Variants in TNS4 observed in about 807,000 individuals in gnomAD.
The protein encoded by TNS4 is tensin 4, also known as tensin-4.
A neutral mutation model predicts 70.4 loss-of-function variants in TNS4; 46 were observed. The ratio of observed to expected loss-of-function variants is 0.65; its 90% confidence interval spans 0.52 to 0.84. TNS4 has a LOEUF of 0.84. Among genes scored for constraint, TNS4 ranks in the 40% least tolerant of loss-of-function variants. TNS4 has a pLI of 0.00. For missense variants in TNS4, 863 were observed against 907.0 expected, an observed-to-expected ratio of 0.95 and a Z score of 0.62; for synonymous variants, 390 against 366.6, an observed-to-expected ratio of 1.06 and a Z score of -0.73.
At chr17:40,482,064 C>T (rs2035927817) in intron 8 of TNS4, 65 bp downstream of exon 8, 2 of 1,569,860 alleles carry the variant, frequency 1.3e-6, no homozygotes, top group Admixed American at 3.5e-5. Context: ...AGGAGTGAAC[C>T]CCATTTCTAA....
At position 40,486,936 on chromosome 17, in the gene TNS4, G is replaced by A. The variant is rs2035996510; in HGVS notation, c.1288+100C>T. 2.1e-6 allele frequency: 3 copies of A among 1,449,346 alleles called. No individual in the cohort carries two copies. The Admixed American group carries it at 5.3e-5, about 26-fold the overall frequency. The allele number at this position is 1,449,346 out of a possible 1,614,324, so 89.8% of individuals were successfully genotyped here. A position where few individuals can be genotyped will look rare whatever the true frequency, so the allele number is the denominator to read the frequency against. ...CTGGCATAGTGCCAGACACACAATA[G>A]TTGCTCAATAAATGTGTTGACTGGC... On this transcript the variant is annotated intron_variant, in intron 4 of 12. Transcript: ENST00000254051.
intron 2 of TNS4, among the ~76,000 whole-genome samples, chr17:40,489,381 G>A (rs2036036953): frequency 1.3e-5 from 2 of 152,128 alleles, no homozygotes; most frequent in Non-Finnish European, 1.5e-5. Flanking sequence ...CACTGTTCCC[G>A]GCACAGACCA....
At chr17:40,482,294 CGG>C in intron 7 of TNS4, 28 bp downstream of exon 7, 1 of 1,613,538 alleles carries the variant, frequency 6.2e-7, no homozygotes, top group Non-Finnish European at 8.5e-7. Flanking sequence ...CCCCCCATCC[CGG>C]GGGAGCCTGG....
intron 2 of TNS4, among the ~76,000 whole-genome samples, chr17:40,492,511 G>A (rs1310074018): frequency 3.3e-5 from 5 of 151,426 alleles, no homozygotes; most frequent in South Asian, 4.2e-4. Context: ...GGGACTACAA[G>A]TTCATGCCAT....
At chr17:40,477,836 C>T in intron 12 of TNS4, 107 bp from the exon 13 acceptor site, 1 of 1,099,260 alleles carries the variant, frequency 9.1e-7, no homozygotes, top group South Asian at 1.4e-5. Context: ...TCCTCCCTGC[C>T]CCTCCCTTAG....
intron 4 of TNS4, among the ~76,000 whole-genome samples, chr17:40,485,451 G>A (rs1017735723): frequency 2.0e-5 from 3 of 152,188 alleles, no homozygotes; most frequent in East Asian, 1.9e-4. Context: ...GGCAGAAAAC[G>A]TGAAGGAGAG....
intron 6 of TNS4, among the ~76,000 whole-genome samples, chr17:40,482,908 G>A (rs2143790846): frequency 6.6e-6 from 1 of 151,932 alleles, no homozygotes; most frequent in Non-Finnish European, 1.5e-5. Context: ...TCTTTTTTTG[G>A]GGGTGGGGTG....
At chr17:40,482,794 A>G (rs1227311962) in intron 6 of TNS4, among the ~76,000 whole-genome samples, 3 of 151,672 alleles carry the variant, frequency 2.0e-5, no homozygotes, top group African/African-American at 7.3e-5. Flanking sequence ...AAAAAAAAAA[A>G]TTCCACCTTG....
chr17:40,488,410 C>T, intron 3 of TNS4, 136 bp downstream of exon 3: 1 of 767,118 alleles, frequency 1.3e-6, no homozygotes, highest in East Asian at 2.8e-5. Flanking sequence ...GCTGTAAAAG[C>T]AAACATTTGC....
Position 40,479,774 on chromosome 17 carries a change from C to A in TNS4, c.1810G>T (p.Ala604Ser). Residue 604 changes from alanine to serine, a missense_variant, in exon 10 of 13, where the codon GCC becomes TCC. Transcript: ENST00000254051. ...TLTGALAVQK[A>S]ISTTFERDIL... ...TCCCTCTCAAAGGTGGTGGAGATGG[C>A]TTTCTGCACGGCCAGGGCTCCAGTC... The A allele has an allele frequency of 1.2e-6, 2 of 1,614,084 alleles. No homozygotes were observed. The highest frequency in any genetic ancestry group is 8.5e-7 in the Non-Finnish European group (1 of 1,180,016).
chr17:40,491,400 T>C (rs2036064361), intron 2 of TNS4, among the ~76,000 whole-genome samples: 1 of 152,140 alleles, frequency 6.6e-6, no homozygotes, highest in South Asian at 2.1e-4. Flanking sequence ...ATATAACAGA[T>C]GGGAAATCTG....
chr17:40,486,915 C>T lies in TNS4; in HGVS notation c.1288+121G>A. 5 of 1,289,470 alleles carry T rather than the reference C, an allele frequency of 3.9e-6. No individual in the cohort carries two copies. The East Asian group carries it at 1.2e-4, about 30-fold the overall frequency. 79.9% of individuals were successfully genotyped at this position (1,289,470 alleles called of 1,614,324 possible). On this transcript the variant is annotated intron_variant, in intron 4 of 12. Coordinates refer to ENST00000254051, the MANE Select transcript of TNS4 (RefSeq NM_032865.6). ...CCCTCTGTGTGTCCTCACTACCTGG[C>T]ATAGTGCCAGACACACAATAGTTGC...
chr17:40,484,443 C>T, intron 6 of TNS4, 41 bp downstream of exon 6: 2 of 1,599,996 alleles, frequency 1.3e-6, no homozygotes, highest in Non-Finnish European at 1.7e-6. Context: ...CACCCCGCTG[C>T]CTCAGTGAGG....
At chr17:40,479,531 G>C (rs897953914) in intron 10 of TNS4, 143 bp downstream of exon 10, 11 of 969,854 alleles carry the variant, frequency 1.1e-5, no homozygotes, top group Admixed American at 5.8e-5. Context: ...AAGCTGCCTG[G>C]AGTCACTCAG....
In TNS4 at chr17:40,480,693, C is replaced by G; in HGVS notation, c.1741+7G>C. The G allele has an allele frequency of 6.5e-7, 1 of 1,547,698 alleles. No homozygotes were observed. The highest frequency in any genetic ancestry group is 8.7e-7 in the Non-Finnish European group (1 of 1,152,380). On this transcript the variant is annotated splice_region_variant and intron_variant, in intron 9 of 12. Coordinates refer to ENST00000254051, the MANE Select transcript of TNS4 (RefSeq NM_032865.6). ...AAGCTTGGCGCCTCCCTTCCTGTAC[C>G]ACTCACCCGCAGATTTCTTCTGGCA...
intron 3 of TNS4, 46 bp downstream of exon 3, chr17:40,488,500 G>A (rs34377860): frequency 0.27 from 385,847 of 1,453,540 alleles, 53,118 homozygotes; most frequent in South Asian, 0.4. Flanking sequence ...GCATGCGTGC[G>A]TGTGCCTGTG....
At position 40,495,993 on chromosome 17, in the gene TNS4, C is replaced by A; in HGVS notation, c.433G>T (p.Ala145Ser). 1.2e-6 allele frequency: 2 copies of A among 1,608,886 alleles called. No homozygotes were observed. Among genetic ancestry groups the A allele is most frequent in the South Asian group, 1.1e-5 (1 of 90,108 alleles). ...MSMRKKEESE[A>S]LDIKYIEVTS... is the part of the protein sequence containing the mutation. Reference sequence around the variant, plus strand: ...CTGTGCCCCAAATCCTTACCCAAGGCTTCAGATTCCTCCTTCTTTCTCATT... The same window carrying A: ...CTGTGCCCCAAATCCTTACCCAAGGATTCAGATTCCTCCTTCTTTCTCATT... The change falls in exon 2 of 13, where the codon GCC becomes TCC. Residue 145 changes from alanine to serine, a missense_variant. Coordinates refer to ENST00000254051, the MANE Select transcript of TNS4 (RefSeq NM_032865.6).
chr17:40,498,246 A>T (rs2036169931), intron 1 of TNS4, among the ~76,000 whole-genome samples: 1 of 152,210 alleles, frequency 6.6e-6, no homozygotes, highest in African/African-American at 2.4e-5. Context: ...CCGAAGGTTT[A>T]GATTTGACTT....
chr17:40,480,253 A>G (rs1597688247), intron 9 of TNS4, among the ~76,000 whole-genome samples: 1 of 152,344 alleles, frequency 6.6e-6, no homozygotes, highest in East Asian at 1.9e-4. Context: ...GGCATAGAGC[A>G]GGAACAGTCA....
Sources: allele counts gnomAD v4.1 joint callset (sites outside exome capture counted in the v4.1 genomes callset), GRCh38; gene constraint gnomAD v4.1.1; transcripts MANE v1.5; gene names NCBI Gene and HGNC (gene_info 2026-07-23, HGNC 2026-07-21).